Variants in CDH8 observed in about 807,000 individuals in gnomAD.
The protein encoded by CDH8 is cadherin 8.
CDH8 carries 17 observed loss-of-function variants against 68.1 expected under a neutral mutation model. The observed-to-expected ratio is 0.25, with a 90% confidence interval of 0.17 to 0.37. The LOEUF is 0.37. Among genes scored for constraint, CDH8 ranks in the 10% least tolerant of loss-of-function variants. CDH8 has a pLI of 1.00. For missense variants in CDH8, 763 were observed against 999.3 expected (o/e 0.76, Z 3.19); for synonymous variants, 372 against 365.1 (o/e 1.02, Z -0.21).
At chr16:61,864,354 T>C (rs1280182929) in intron 3 of CDH8, among the ~76,000 whole-genome samples, 1 of 151,284 alleles carries the variant, frequency 6.6e-6, no homozygotes, top group Non-Finnish European at 1.5e-5. Flanking sequence ...TGATTGAAAG[T>C]CTCCACCCCC....
chr16:61,793,159 C>A (rs1961417692), intron 7 of CDH8, among the ~76,000 whole-genome samples: 1 of 151,842 alleles, frequency 6.6e-6, no homozygotes, highest in Non-Finnish European at 1.5e-5. Context: ...TGTCTGCAAC[C>A]CAGAAGAGGG....
At chr16:62,030,659 G>T (rs1902303440) in intron 1 of CDH8, among the ~76,000 whole-genome samples, 1 of 151,892 alleles carries the variant, frequency 6.6e-6, no homozygotes, top group South Asian at 2.1e-4. Context: ...GAGAGAAAAA[G>T]ACATGGAAAA....
chr16:61,919,834 G>C (rs957852994), intron 2 of CDH8, among the ~76,000 whole-genome samples: 2 of 152,226 alleles, frequency 1.3e-5, no homozygotes, highest in African/African-American at 4.8e-5. Flanking sequence ...GAGGCCTCAC[G>C]CTACCTGACT....
chr16:61,914,040 T>A (rs1471118954), intron 2 of CDH8, among the ~76,000 whole-genome samples: 1 of 152,108 alleles, frequency 6.6e-6, no homozygotes, highest in African/African-American at 2.4e-5. Flanking sequence ...CTGACTGGTG[T>A]CTTTATAAGA....
chr16:61,796,318 T>A lies in CDH8; in HGVS notation c.1278-6836A>T, dbSNP rs150218934. On this transcript the variant is annotated intron_variant, in intron 7 of 11. Coordinates refer to ENST00000577390, the MANE Select transcript of CDH8 (RefSeq NM_001796.5). ...AGTTTCTGTTCTAATTTCTTGAGAATTGTGCATATATTGGATTTGCTGCTC... is the reference window on the plus strand; with the variant it reads ...AGTTTCTGTTCTAATTTCTTGAGAAATGTGCATATATTGGATTTGCTGCTC... Among the ~76,000 whole-genome samples the A allele has an allele frequency of 5.9e-5, 9 of 152,206 alleles. No homozygotes were observed. The East Asian group carries it at 1.7e-3, about 29-fold the overall frequency.
chr16:61,962,012 C>G (rs891221023), intron 2 of CDH8, among the ~76,000 whole-genome samples: 1 of 152,134 alleles, frequency 6.6e-6, no homozygotes, highest in African/African-American at 2.4e-5. Context: ...ATTATATGCT[C>G]TATTCTTAGA....
Position 61,825,182 on chromosome 16 carries a change from G to A in CDH8, c.668-3C>T. The A allele has an allele frequency of 6.3e-7, 1 of 1,597,222 alleles. No homozygotes were observed. On this transcript the variant is annotated splice_polypyrimidine_tract_variant and splice_region_variant and intron_variant, in intron 4 of 11. Coordinates refer to ENST00000577390, the MANE Select transcript of CDH8 (RefSeq NM_001796.5). ...GGGAAGGGCAGTTTTTATAATAGCT[G>A]AGGGGGAAAATGGAAGAATGACTTT...
chr16:61,705,176 A>G (rs769686903), intron 10 of CDH8, among the ~76,000 whole-genome samples: 17 of 152,240 alleles, frequency 1.1e-4, no homozygotes, highest in Non-Finnish European at 2.2e-4. Flanking sequence ...ACATTAGCGA[A>G]CAGATAGAAT....
chr16:61,737,590 A>G (rs1489208190), intron 8 of CDH8, among the ~76,000 whole-genome samples: 1 of 152,174 alleles, frequency 6.6e-6, no homozygotes, highest in Non-Finnish European at 1.5e-5. Flanking sequence ...TTGCCCATAA[A>G]TGGCATATTA....
At chr16:61,772,715 T>A (rs899042771) in intron 8 of CDH8, among the ~76,000 whole-genome samples, 1 of 152,060 alleles carries the variant, frequency 6.6e-6, no homozygotes, top group South Asian at 2.1e-4. Context: ...GAATTAAGAC[T>A]GCGGGGATTA....
chr16:61,753,759 G>A (rs1960234320), intron 8 of CDH8, among the ~76,000 whole-genome samples: 1 of 151,856 alleles, frequency 6.6e-6, no homozygotes, highest in South Asian at 2.1e-4. Flanking sequence ...CCAGTTATTG[G>A]GGCCAAAATT....
chr16:61,985,508 T>C (rs1208923437), intron 2 of CDH8, among the ~76,000 whole-genome samples: 3 of 152,228 alleles, frequency 2.0e-5, no homozygotes, highest in African/African-American at 4.8e-5. Flanking sequence ...TGAGTTTCTT[T>C]TGAGACGGAG....
intron 2 of CDH8, among the ~76,000 whole-genome samples, chr16:61,993,109 A>T: frequency 6.6e-6 from 1 of 152,152 alleles, no homozygotes; most frequent in Middle Eastern, 3.2e-3. Flanking sequence ...CTTTTTTTAA[A>T]TATGCATGTA....
chr16:61,830,572 A>T (rs1962433928), intron 4 of CDH8, among the ~76,000 whole-genome samples: 3 of 151,732 alleles, frequency 2.0e-5, no homozygotes, highest in Non-Finnish European at 4.4e-5. Flanking sequence ...CAAGACATAA[A>T]TTGTGTCTAT....
At chr16:61,788,547 C>T (rs1344400430) in intron 8 of CDH8, among the ~76,000 whole-genome samples, 1 of 151,948 alleles carries the variant, frequency 6.6e-6, no homozygotes, top group African/African-American at 2.4e-5. Context: ...AATGGACATC[C>T]TCTCCCTTTT....
intron 8 of CDH8, among the ~76,000 whole-genome samples, chr16:61,730,594 A>G (rs149049744): frequency 0.023 from 3,532 of 151,712 alleles, 69 homozygotes; most frequent in Non-Finnish European, 0.035. Flanking sequence ...ATATCATGGT[A>G]CACAAATTCA....
intron 9 of CDH8, among the ~76,000 whole-genome samples, chr16:61,723,603 G>C (rs1827109978): frequency 6.6e-6 from 1 of 150,742 alleles, no homozygotes; most frequent in Non-Finnish European, 1.5e-5. Context: ...AAAATTCCAT[G>C]AAGGTAAAAA....
At chr16:61,676,980 TG>T (rs1963925192) in intron 10 of CDH8, among the ~76,000 whole-genome samples, 1 of 152,054 alleles carries the variant, frequency 6.6e-6, no homozygotes, top group African/African-American at 2.4e-5. Context: ...CTTTTGGAAC[TG>T]TGCACTTGAA....
chr16:61,655,509 C>A lies in CDH8; in HGVS notation c.1867G>T (p.Ala623Ser). 6.2e-7 allele frequency: 1 copy of A among 1,614,020 alleles called. No homozygotes were observed. Among genetic ancestry groups the A allele is most frequent in the Non-Finnish European group, 8.5e-7 (1 of 1,179,984 alleles). The change falls in exon 11 of 12, where the codon GCC becomes TCC. Residue 623 changes from alanine to serine, a missense_variant. Transcript: ENST00000577390. ...YVLPIGLSMG[A>S]LIAILACIIL... Reference sequence around the variant, plus strand: ...ATGCATGCTAATATGGCAATTAAGGCGCCCATACTGAGTCCAATTGGAAGG... The same window carrying A: ...ATGCATGCTAATATGGCAATTAAGGAGCCCATACTGAGTCCAATTGGAAGG...
Sources: allele counts gnomAD v4.1 joint callset (sites outside exome capture counted in the v4.1 genomes callset), GRCh38; gene constraint gnomAD v4.1.1; transcripts MANE v1.5; gene names NCBI Gene and HGNC (gene_info 2026-07-23, HGNC 2026-07-21).